Variants in KCNQ1 observed in about 807,000 individuals in gnomAD.
The protein encoded by KCNQ1 is potassium voltage-gated channel subfamily KQT member 1.
KCNQ1 carries 49 observed loss-of-function variants against 72.4 expected under a neutral mutation model. That is an observed-to-expected ratio of 0.68 (90% CI 0.54 to 0.86). The LOEUF (loss-of-function observed/expected upper bound fraction) is 0.86, where lower values mean the gene tolerates loss of function less well. Among genes scored for constraint, KCNQ1 ranks in the 40% least tolerant of loss-of-function variants. The probability of loss-of-function intolerance (pLI) is 0.00; values close to 1 mark genes in which losing one functional copy is unlikely to be tolerated. For synonymous variants in KCNQ1, 450 were observed against 412.6 expected (o/e 1.09, Z -1.10); for missense variants, 790 against 945.1 (o/e 0.84, Z 2.15).
At chr11:2,834,026 G>T (rs1277259529) in intron 15 of KCNQ1, among the ~76,000 whole-genome samples, 2 of 152,240 alleles carry the variant, frequency 1.3e-5, no homozygotes, top group African/African-American at 2.4e-5. Context: ...GCAGCCAGGG[G>T]CTGGCTCCCG....
At chr11:2,528,360 G>A (rs1847546970) in intron 2 of KCNQ1, among the ~76,000 whole-genome samples, 1 of 152,214 alleles carries the variant, frequency 6.6e-6, no homozygotes, top group Non-Finnish European at 1.5e-5. Context: ...GAGCCTTCGT[G>A]TCCCTGGGGT....
Position 2,547,817 on chromosome 11 carries a change from G to A in KCNQ1, c.477+19799G>A, listed in dbSNP as rs1160436747. ...GTTCTCAGTGGAGCGGCCGGGCTGC[G>A]AGTCTCTGTATGGAGGTGAAGGTCC... On this transcript the variant is annotated intron_variant, in intron 2 of 15. Transcript: ENST00000155840. This position sits in a 1 kb window ranked among gnomAD's most constrained non-coding sequence, Gnocchi z 4.2. Among the ~76,000 whole-genome samples the A allele has an allele frequency of 6.6e-6, 1 of 152,210 alleles. No individual in the cohort carries two copies. Among genetic ancestry groups the A allele is most frequent in the Non-Finnish European group, 1.5e-5 (1 of 68,034 alleles).
At chr11:2,708,324 G>A (rs191192489) in intron 11 of KCNQ1, among the ~76,000 whole-genome samples, 10 of 152,310 alleles carry the variant, frequency 6.6e-5, no homozygotes, top group Admixed American at 3.3e-4. Context: ...ATGGCTGAGC[G>A]GAACTTGGCA....
In KCNQ1 at chr11:2,515,838, C is replaced by T. The variant is rs1053646900; in HGVS notation, c.387-12090C>T. 2.0e-5 allele frequency among the ~76,000 whole-genome samples: 3 copies of T among 152,070 alleles called. No individual in the cohort carries two copies. Among genetic ancestry groups the T allele is most frequent in the African/African-American group, 7.2e-5 (3 of 41,402 alleles). On this transcript the variant is annotated intron_variant, in intron 1 of 15. Transcript: ENST00000155840. The surrounding 1 kb of genome is among the most constrained non-coding windows in gnomAD (Gnocchi z 4.7). Reference sequence around the variant, plus strand: ...CCCTCGGCCCTGGGGGGCTTGTGCTCTGCCGGGCCACCTGCACCCTCCGGG... The same window carrying T: ...CCCTCGGCCCTGGGGGGCTTGTGCTTTGCCGGGCCACCTGCACCCTCCGGG...
chr11:2,469,185 T>C (rs1017442273), intron 1 of KCNQ1, among the ~76,000 whole-genome samples: 2 of 152,198 alleles, frequency 1.3e-5, no homozygotes, highest in Non-Finnish European at 2.9e-5. Flanking sequence ...TTAGTTGTTG[T>C]CCACATATCT....
At chr11:2,534,281 T>C (rs1847691796) in intron 2 of KCNQ1, among the ~76,000 whole-genome samples, 1 of 152,238 alleles carries the variant, frequency 6.6e-6, no homozygotes, top group Admixed American at 6.5e-5. Flanking sequence ...GGTCCTCACC[T>C]GGTGTTTTTC....
chr11:2,647,473 T>C lies in KCNQ1; in HGVS notation c.1394-14488T>C, dbSNP rs1480407858. 3 of 398,476 alleles carry C rather than the reference T, an allele frequency of 7.5e-6. No homozygotes were observed. The highest frequency in any genetic ancestry group is 6.2e-5 in the African/African-American group (3 of 48,634). The allele number at this position is 398,476 out of a possible 1,614,324, so 24.7% of individuals were successfully genotyped here. ...GTAGTTTTCTTTTTTGCTGTTATTG[T>C]GTCCTTATCTGGTTTTGGTATCAAG... On this transcript the variant is annotated intron_variant, in intron 10 of 15. Coordinates refer to ENST00000155840, the MANE Select transcript of KCNQ1 (RefSeq NM_000218.3). The surrounding 1 kb of genome is among the most constrained non-coding windows in gnomAD (Gnocchi z 4.0).
intron 15 of KCNQ1, among the ~76,000 whole-genome samples, chr11:2,841,223 G>A (rs1848203403): frequency 6.6e-6 from 1 of 152,270 alleles, no homozygotes; most frequent in African/African-American, 2.4e-5. Context: ...TGAGATGGGC[G>A]CTCAGATCAA....
At chr11:2,667,664 G>C in intron 11 of KCNQ1, 1 of 398,670 alleles carries the variant, frequency 2.5e-6, no homozygotes, top group Middle Eastern at 6.3e-4. Flanking sequence ...TTGAACTGCA[G>C]AGCCTCTGGA....
chr11:2,596,897 AT>A (rs1270275062), intron 10 of KCNQ1, among the ~76,000 whole-genome samples: 1 of 151,576 alleles, frequency 6.6e-6, no homozygotes, highest in African/African-American at 2.4e-5. Context: ...TATAATATAT[AT>A]TTTGCATAGC....
rs974903828 is a variant in KCNQ1 at position 2,704,575 on chromosome 11, C to A, written c.1514+42494C>A. On this transcript the variant is annotated intron_variant, in intron 11 of 15. Transcript: ENST00000155840. This position sits in a 1 kb window ranked among gnomAD's most constrained non-coding sequence, Gnocchi z 4.3. ...GGCAAGGCAGTGCCAAGGATCAGAT[C>A]TCCCTTCTAGAAAGGTCACTCTGGC... Among the ~76,000 whole-genome samples, 1 of 152,174 alleles carries A rather than the reference C, an allele frequency of 6.6e-6. No homozygotes were observed. The highest frequency in any genetic ancestry group is 1.5e-5 in the Non-Finnish European group (1 of 68,030).
rs899030034 is a variant in KCNQ1 at position 2,766,948 on chromosome 11, G to A, written c.1515-1896G>A. On this transcript the variant is annotated intron_variant, in intron 11 of 15. Transcript: ENST00000155840. The surrounding 1 kb of genome is among the most constrained non-coding windows in gnomAD (Gnocchi z 4.4). ...AATCCCAGCACTTTTGGAGGCCAAG[G>A]CGGACAGATCATGAGGTCAAGAGAT... Among the ~76,000 whole-genome samples the A allele has an allele frequency of 1.3e-5, 2 of 151,092 alleles. No homozygotes were observed. The highest frequency in any genetic ancestry group is 1.5e-5 in the Non-Finnish European group (1 of 67,718).
chr11:2,674,600 G>A lies in KCNQ1; in HGVS notation c.1514+12519G>A. ...GCTAGTTGTGTTGCCTTTTAAATAG[G>A]CTCTGGCTTAAAACAGTCACAGCGA... On this transcript the variant is annotated intron_variant, in intron 11 of 15. Coordinates refer to ENST00000155840, the MANE Select transcript of KCNQ1 (RefSeq NM_000218.3). This position sits in a 1 kb window ranked among gnomAD's most constrained non-coding sequence, Gnocchi z 5.9. 2.5e-6 allele frequency: 1 copy of A among 398,600 alleles called. No homozygotes were observed. The highest frequency in any genetic ancestry group is 4.4e-6 in the Non-Finnish European group (1 of 226,060). 24.7% of individuals were successfully genotyped at this position (398,600 alleles called of 1,614,324 possible).
chr11:2,680,001 C>A, intron 11 of KCNQ1: 1 of 396,872 alleles, frequency 2.5e-6, no homozygotes, highest in Non-Finnish European at 4.4e-6. Flanking sequence ...TCAAGCAATT[C>A]TCCTGCCTTA....
intron 6 of KCNQ1, among the ~76,000 whole-genome samples, chr11:2,577,171 G>A (rs903060213): frequency 6.6e-6 from 1 of 152,200 alleles, no homozygotes; most frequent in Admixed American, 6.5e-5. Context: ...CTGTTGAGGC[G>A]TGTGGTTTGC....
In KCNQ1 at chr11:2,679,801, G is replaced by A; in HGVS notation, c.1514+17720G>A. 2.5e-6 allele frequency: 1 copy of A among 398,632 alleles called. No individual in the cohort carries two copies. The highest frequency in any genetic ancestry group is 3.6e-5 in the East Asian group (1 of 28,080). 24.7% of individuals were successfully genotyped at this position (398,632 alleles called of 1,614,324 possible). A position where few individuals can be genotyped will look rare whatever the true frequency, so the allele number is the denominator to read the frequency against. ...CCTGTTAGGCCAGTTGAGGGCTAGA[G>A]GAGCACAAGGGGCCAGACTGCTGCT... On this transcript the variant is annotated intron_variant, in intron 11 of 15. Coordinates refer to ENST00000155840, the MANE Select transcript of KCNQ1 (RefSeq NM_000218.3). This position sits in a 1 kb window ranked among gnomAD's most constrained non-coding sequence, Gnocchi z 4.8.
intron 11 of KCNQ1, among the ~76,000 whole-genome samples, chr11:2,706,130 A>G (rs1348271414): frequency 6.6e-6 from 1 of 152,210 alleles, no homozygotes; most frequent in African/African-American, 2.4e-5. Flanking sequence ...GCCTTTGACA[A>G]TCCGTTCTTC....
Position 2,600,947 on chromosome 11 carries a change from C to G in KCNQ1, c.1393+12093C>G, listed in dbSNP as rs1377619232. Among the ~76,000 whole-genome samples, 3 of 152,096 alleles carry G rather than the reference C, an allele frequency of 2.0e-5. No individual in the cohort carries two copies. The highest frequency in any genetic ancestry group is 4.4e-5 in the Non-Finnish European group (3 of 68,016). Reference sequence around the variant, plus strand: ...CCTGAGGCACACAGTGTATCTGCCCCTTATTAACGATGTTATTTTGATCAC... The same window carrying G: ...CCTGAGGCACACAGTGTATCTGCCCGTTATTAACGATGTTATTTTGATCAC... On this transcript the variant is annotated intron_variant, in intron 10 of 15. Transcript: ENST00000155840. The surrounding 1 kb of genome is among the most constrained non-coding windows in gnomAD (Gnocchi z 5.6).
Position 2,848,359 on chromosome 11 carries a change from C to T in KCNQ1, c.*356C>T, listed in dbSNP as rs1397864614. 1.1e-5 allele frequency: 6 copies of T among 538,668 alleles called. No homozygotes were observed. Among genetic ancestry groups the T allele is most frequent in the Admixed American group, 6.7e-5 (3 of 44,788 alleles). The allele number at this position is 538,668 out of a possible 1,614,324, so 33.4% of individuals were successfully genotyped here. A position where few individuals can be genotyped will look rare whatever the true frequency, so the allele number is the denominator to read the frequency against. On this transcript the variant is annotated 3_prime_UTR_variant, in exon 16 of 16. Transcript: ENST00000155840. ...GAAGTAGCACAGGCTGAGTGCAGGC[C>T]CACCCTGCTTGGCCCAGGGGGCTTC...
Sources: gnomAD v4.1 joint callset for allele counts (sites outside exome capture counted in the v4.1 genomes callset) on GRCh38, gnomAD v4.1.1 for gene constraint, Gnocchi (gnomAD v3.1) non-coding constraint, MANE v1.5 for transcripts, NCBI Gene and HGNC (gene_info 2026-07-23, HGNC 2026-07-21) for gene names.